ANO3: variants seen among roughly 807,000 people sequenced by gnomAD.
ANO3 encodes anoctamin 3, also known as anoctamin-3.
Under a neutral mutation model 144.8 loss-of-function variants are expected in ANO3, and 99 were observed. That is an observed-to-expected ratio of 0.68 (90% CI 0.58 to 0.81). The LOEUF (loss-of-function observed/expected upper bound fraction) is 0.81, where lower values mean the gene tolerates loss of function less well. Among genes scored for constraint, ANO3 ranks in the 30% least tolerant of loss-of-function variants. The pLI is 0.00. For missense variants in ANO3, 905 were observed against 1,202.2 expected (o/e 0.75, Z 3.66); for synonymous variants, 414 against 392.6 (o/e 1.05, Z -0.64).
chr11:26,469,260 T>A (rs374926318), intron 4 of ANO3, among the ~76,000 whole-genome samples: 8 of 151,966 alleles, frequency 5.3e-5, no homozygotes, highest in African/African-American at 1.9e-4. Flanking sequence ...AAAGATTTAG[T>A]ACAAGAGTTT....
Position 26,660,453 on chromosome 11 carries a change from T to A in ANO3, c.*9T>A, listed in dbSNP as rs117099158. On this transcript the variant is annotated 3_prime_UTR_variant, in exon 27 of 27. Transcript: ENST00000256737. ...ACCATGAATGGCCTTAGTTGACACC[T>A]GTTACCCATTAGGGGTGATAACATT... 6.2e-7 allele frequency: 1 copy of A among 1,607,032 alleles called. No individual in the cohort carries two copies. The highest frequency in any genetic ancestry group is 1.7e-5 in the Admixed American group (1 of 58,896).
chr11:26,562,048 G>A (rs1242514265), intron 14 of ANO3, among the ~76,000 whole-genome samples: 1 of 151,696 alleles, frequency 6.6e-6, no homozygotes, highest in African/African-American at 2.4e-5. Flanking sequence ...CAGTTGTTGT[G>A]GATTGAGTTA....
intron 14 of ANO3, among the ~76,000 whole-genome samples, chr11:26,595,457 GTTGTTTTTTTTTTTTTTTTTT>G (rs1347363753): frequency 1.5e-5 from 1 of 67,852 alleles, no homozygotes; most frequent in East Asian, 4.2e-4. Flanking sequence ...TTGAGATAGA[GTTGTTTTTTTTTTTTTTTTTT>G]TTTTTTTTTA....
chr11:26,416,945 A>G (rs1296257773), intron 1 of ANO3, among the ~76,000 whole-genome samples: 1 of 152,110 alleles, frequency 6.6e-6, no homozygotes, highest in Non-Finnish European at 1.5e-5. Context: ...ATCCTCTAAT[A>G]GTTTTACTGT....
rs554909853 is a variant in ANO3 at position 26,553,280 on chromosome 11, A to G, written c.1321A>G (p.Met441Val). 1.9e-6 allele frequency: 3 copies of G among 1,559,036 alleles called. No homozygotes were observed. The highest frequency in any genetic ancestry group is 1.8e-5 in the Admixed American group (1 of 56,996). ...QEICKATEVF[M>V]CPLCDKNCSL... Reference sequence around the variant, plus strand: ...AATTTGTAAAGCCACTGAAGTCTTTATGTGCCCTCTCTGTGACAAGAACTG... The same window carrying G: ...AATTTGTAAAGCCACTGAAGTCTTTGTGTGCCCTCTCTGTGACAAGAACTG... The change falls in exon 13 of 27, where the codon ATG (methionine) becomes GTG (valine). Residue 441 changes from methionine (M) to valine (V), a missense_variant. This residue lies in a region of ANO3 where 597 missense variants were observed against 865.1 expected (regional missense o/e 0.69). Coordinates refer to ENST00000256737, the MANE Select transcript of ANO3 (RefSeq NM_031418.4).
intron 1 of ANO3, among the ~76,000 whole-genome samples, chr11:26,343,202 C>T (rs1039660448): frequency 2.6e-5 from 4 of 152,130 alleles, no homozygotes; most frequent in Non-Finnish European, 2.9e-5. Context: ...TTCTTAGATT[C>T]CACATAAAAT....
chr11:26,352,578 G>T (rs932155431), intron 1 of ANO3, among the ~76,000 whole-genome samples: 7 of 152,086 alleles, frequency 4.6e-5, no homozygotes, highest in African/African-American at 1.7e-4. Context: ...CAGTTTCCTA[G>T]AATATTCTTA....
chr11:26,251,844 C>T (rs1209657567), intron 1 of ANO3, among the ~76,000 whole-genome samples: 2 of 152,154 alleles, frequency 1.3e-5, no homozygotes, highest in East Asian at 1.9e-4. Flanking sequence ...CTCACTATCA[C>T]GCAGACAGCA....
rs377328135 is a variant in ANO3, at chr11:26,648,464, A to G, written c.2576+608A>G. ...AATTCTGTCTTTTCATGGAGGGCAG[A>G]GGGCTGTCTTGTACATTGCAGGATG... is the stretch of plus-strand genomic sequence containing the variant. On this transcript the variant is annotated intron_variant, in intron 24 of 26. Coordinates refer to ENST00000256737, the MANE Select transcript of ANO3 (RefSeq NM_031418.4). 2.2e-4 allele frequency among the ~76,000 whole-genome samples: 34 copies of G among 152,270 alleles called. 1 individual carries two copies. The highest frequency in any genetic ancestry group is 7.5e-4 in the African/African-American group (31 of 41,554).
chr11:26,459,508 T>G (rs1310578312), intron 3 of ANO3, among the ~76,000 whole-genome samples: 1 of 151,966 alleles, frequency 6.6e-6, no homozygotes. Flanking sequence ...AAACATTTAT[T>G]GAATGAACTA....
chr11:26,267,103 A>G (rs184719951), intron 1 of ANO3, among the ~76,000 whole-genome samples: 1 of 151,314 alleles, frequency 6.6e-6, no homozygotes, highest in East Asian at 2.0e-4. Context: ...CAAACAAAAA[A>G]AAAAAAGAAA....
chr11:26,488,747 C>T (rs781539835), intron 4 of ANO3, among the ~76,000 whole-genome samples: 1 of 152,078 alleles, frequency 6.6e-6, no homozygotes, highest in Non-Finnish European at 1.5e-5. Context: ...TAGTGTGGAC[C>T]CAAAGAGTGA....
chr11:26,426,339 G>A (rs998565074), intron 1 of ANO3, among the ~76,000 whole-genome samples: 8 of 152,086 alleles, frequency 5.3e-5, no homozygotes, highest in Admixed American at 3.3e-4. Context: ...ATAAGGAAAT[G>A]GACCCCATCT....
At chr11:26,273,143 G>T (rs551730841) in intron 1 of ANO3, among the ~76,000 whole-genome samples, 2 of 151,710 alleles carry the variant, frequency 1.3e-5, no homozygotes, top group South Asian at 2.1e-4. Context: ...TGGACAATAA[G>T]AACCCTTTTT....
chr11:26,369,049 A>G (rs1026802595), intron 1 of ANO3, among the ~76,000 whole-genome samples: 3 of 152,246 alleles, frequency 2.0e-5, no homozygotes, highest in African/African-American at 7.2e-5. Flanking sequence ...CTATATTCAT[A>G]AGAACAAATA....
At chr11:26,411,882 A>G (rs1032323625) in intron 1 of ANO3, among the ~76,000 whole-genome samples, 3 of 152,132 alleles carry the variant, frequency 2.0e-5, no homozygotes, top group Admixed American at 1.3e-4. Flanking sequence ...TCTAAATGTT[A>G]TAACTCCATA....
chr11:26,548,318 C>T (rs1849842430), intron 12 of ANO3, among the ~76,000 whole-genome samples: 2 of 151,850 alleles, frequency 1.3e-5, no homozygotes, highest in Non-Finnish European at 1.5e-5. Context: ...ACAAGAGTCA[C>T]CCTAGCATTA....
intron 18 of ANO3, among the ~76,000 whole-genome samples, chr11:26,630,179 T>G (rs752954169): frequency 6.6e-6 from 1 of 152,172 alleles, no homozygotes; most frequent in Non-Finnish European, 1.5e-5. Context: ...AATAAATATA[T>G]CAAGAATGGC....
chr11:26,497,885 C>A (rs558219525), intron 4 of ANO3, among the ~76,000 whole-genome samples: 2 of 151,858 alleles, frequency 1.3e-5, no homozygotes, highest in Non-Finnish European at 2.9e-5. Flanking sequence ...AAATTTTATT[C>A]TCATTATTTT....
Sources: gnomAD v4.1 joint callset for allele counts (sites outside exome capture counted in the v4.1 genomes callset) on GRCh38, gnomAD v4.1.1 for gene constraint, gnomAD v4.1.1 regional missense constraint, MANE v1.5 for transcripts, NCBI Gene and HGNC (gene_info 2026-07-23, HGNC 2026-07-21) for gene names.